Variants in JAKMIP2 observed in about 807,000 individuals in gnomAD.
JAKMIP2 encodes janus kinase and microtubule interacting protein 2.
JAKMIP2 carries 25 observed loss-of-function variants against 115.0 expected under a neutral mutation model. The ratio of observed to expected loss-of-function variants is 0.22; its 90% CI spans 0.16 to 0.30. The LOEUF (loss-of-function observed/expected upper bound fraction) is 0.30, where lower values mean the gene tolerates loss of function less well. JAKMIP2 is among the 10% of genes least tolerant of loss of function. The pLI, the probability that JAKMIP2 is intolerant of heterozygous loss-of-function variation, is 1.00. For missense variants in JAKMIP2, 642 were observed against 957.6 expected, an observed-to-expected ratio of 0.67 and a Z score of 4.35; for synonymous variants, 334 against 343.6, an observed-to-expected ratio of 0.97 and a Z score of 0.31.
rs539769180 is a variant in JAKMIP2, at chr5:147,692,778, C to T, written c.-148-20824G>A. On this transcript the variant is annotated intron_variant, in intron 1 of 21. Coordinates refer to ENST00000616793, the MANE Select transcript of JAKMIP2 (RefSeq NM_001270941.2). ...CCATTTGAAAGCATAATAAAGCTCGCTCTCTCTTTCTCCATCTAGATTTGA... is the reference window on the plus strand; with the variant it reads ...CCATTTGAAAGCATAATAAAGCTCGTTCTCTCTTTCTCCATCTAGATTTGA... 2.7e-3 allele frequency among the ~76,000 whole-genome samples: 405 copies of T among 152,280 alleles called. 4 individuals are homozygous for T. Among genetic ancestry groups the T allele is most frequent in the African/African-American group, 9.4e-3 (391 of 41,554 alleles).
intron 1 of JAKMIP2, among the ~76,000 whole-genome samples, chr5:147,708,277 C>T (rs184853471): frequency 2.4e-4 from 36 of 152,234 alleles, no homozygotes; most frequent in Non-Finnish European, 4.6e-4. Context: ...GAGTCTCAGA[C>T]ATTAACTCTC....
At chr5:147,608,212 C>T (rs540391183) in intron 20 of JAKMIP2, among the ~76,000 whole-genome samples, 5 of 152,162 alleles carry the variant, frequency 3.3e-5, no homozygotes, top group Non-Finnish European at 5.9e-5. Flanking sequence ...TTGTATTCTG[C>T]TAACTTTTGA....
chr5:147,712,567 A>G (rs576605125), intron 1 of JAKMIP2, among the ~76,000 whole-genome samples: 1 of 152,186 alleles, frequency 6.6e-6, no homozygotes, highest in African/African-American at 2.4e-5. Flanking sequence ...CACTAACAAT[A>G]TTACGGAGGG....
intron 5 of JAKMIP2, among the ~76,000 whole-genome samples, chr5:147,647,864 C>T (rs1758202937): frequency 2.0e-5 from 3 of 152,088 alleles, no homozygotes; most frequent in Non-Finnish European, 4.4e-5. Flanking sequence ...CACTGTTCTT[C>T]TCAAAACAGC....
intron 14 of JAKMIP2, 140 bp from the exon 15 acceptor site, chr5:147,629,886 G>T: frequency 3.1e-6 from 2 of 639,322 alleles, no homozygotes; most frequent in Non-Finnish European, 5.4e-6. Flanking sequence ...CTAGTTTTAA[G>T]TTTCAATTTT....
chr5:147,761,480 C>T (rs571673896), intron 1 of JAKMIP2, among the ~76,000 whole-genome samples: 1 of 152,196 alleles, frequency 6.6e-6, no homozygotes, highest in South Asian at 2.1e-4. Context: ...CAAACCCAGG[C>T]ACTCTAATGG....
In JAKMIP2 at chr5:147,586,983, A is replaced by G. The variant is rs148895689; in HGVS notation, c.*4724T>C. 43 of 152,284 alleles carry G rather than the reference A, an allele frequency of 2.8e-4. No individual in the cohort carries two copies. The highest frequency in any genetic ancestry group is 8.9e-4 in the African/African-American group (37 of 41,570). The allele number at this position is 152,284 out of a possible 1,614,324, so 9.4% of individuals were successfully genotyped here. On this transcript the variant is annotated 3_prime_UTR_variant, in exon 22 of 22. Coordinates refer to ENST00000616793, the MANE Select transcript of JAKMIP2 (RefSeq NM_001270941.2). ...TGAATCTGCCCTGCCCCATTCTGAAATGGAATAATAGAATTTGGCACTTGA... is the reference window on the plus strand; with the variant it reads ...TGAATCTGCCCTGCCCCATTCTGAAGTGGAATAATAGAATTTGGCACTTGA...
At chr5:147,658,982 G>A (rs1758822342) in intron 3 of JAKMIP2, among the ~76,000 whole-genome samples, 1 of 152,118 alleles carries the variant, frequency 6.6e-6, no homozygotes, top group South Asian at 2.1e-4. Context: ...GAGCATGGGA[G>A]TGGGACTGGG....
At chr5:147,721,032 G>A (rs1251667575) in intron 1 of JAKMIP2, among the ~76,000 whole-genome samples, 8 of 151,838 alleles carry the variant, frequency 5.3e-5, no homozygotes, top group Admixed American at 6.6e-5. Context: ...TTTTTGGTGT[G>A]GATGTCCTTT....
intron 1 of JAKMIP2, among the ~76,000 whole-genome samples, chr5:147,680,682 A>G (rs1760212863): frequency 6.6e-6 from 1 of 152,196 alleles, no homozygotes; most frequent in South Asian, 2.1e-4. Flanking sequence ...ATTCCTGGTC[A>G]CCTGCAGTGA....
intron 1 of JAKMIP2, among the ~76,000 whole-genome samples, chr5:147,765,533 C>A (rs1755123913): frequency 6.6e-6 from 1 of 151,998 alleles, no homozygotes; most frequent in African/African-American, 2.4e-5. Flanking sequence ...ATAAAAAAGA[C>A]CAAGAGAACA....
chr5:147,593,440 G>A (rs1159071613), intron 21 of JAKMIP2, among the ~76,000 whole-genome samples: 1 of 152,188 alleles, frequency 6.6e-6, no homozygotes, highest in Non-Finnish European at 1.5e-5. Context: ...AGCTGAGAGG[G>A]AGAATCCTTT....
At chr5:147,647,249 C>T (rs1409440972) in intron 5 of JAKMIP2, among the ~76,000 whole-genome samples, 1 of 151,610 alleles carries the variant, frequency 6.6e-6, no homozygotes, top group Non-Finnish European at 1.5e-5. Flanking sequence ...TCTAAGTGAC[C>T]CATATATCAA....
chr5:147,677,946 A>C (rs535958443), intron 1 of JAKMIP2, among the ~76,000 whole-genome samples: 1 of 152,178 alleles, frequency 6.6e-6, no homozygotes, highest in African/African-American at 2.4e-5. Context: ...ACTCACTGAA[A>C]TTTTGTATCT....
At chr5:147,716,216 T>A (rs1752987043) in intron 1 of JAKMIP2, among the ~76,000 whole-genome samples, 1 of 125,998 alleles carries the variant, frequency 7.9e-6, no homozygotes, top group Non-Finnish European at 1.6e-5. Context: ...GGTGTATATG[T>A]GCCACATTTT....
intron 1 of JAKMIP2, among the ~76,000 whole-genome samples, chr5:147,707,183 C>T (rs1464419648): frequency 6.6e-6 from 1 of 152,100 alleles, no homozygotes; most frequent in African/African-American, 2.4e-5. Flanking sequence ...TTAGTAATGC[C>T]TGGGGTCTGT....
chr5:147,716,685 TG>T (rs1753015647), intron 1 of JAKMIP2, among the ~76,000 whole-genome samples: 1 of 149,454 alleles, frequency 6.7e-6, no homozygotes, highest in South Asian at 2.1e-4. Context: ...CACTTTTTGA[TG>T]GGGTTGTTTG....
chr5:147,647,057 T>A (rs191759876), intron 5 of JAKMIP2, among the ~76,000 whole-genome samples: 5 of 152,174 alleles, frequency 3.3e-5, no homozygotes, highest in Admixed American at 2.0e-4. Context: ...CTCCTTTTCA[T>A]GTAAACATGT....
At chr5:147,608,590 T>C (rs1756149818) in intron 20 of JAKMIP2, among the ~76,000 whole-genome samples, 2 of 152,110 alleles carry the variant, frequency 1.3e-5, no homozygotes, top group African/African-American at 4.8e-5. Context: ...TGTTTTACTT[T>C]CAATTATATG....
Sources: gnomAD v4.1 joint callset for allele counts (sites outside exome capture counted in the v4.1 genomes callset) on GRCh38, gnomAD v4.1.1 for gene constraint, MANE v1.5 for transcripts, NCBI Gene and HGNC (gene_info 2026-07-23, HGNC 2026-07-21) for gene names.